MYCBP2: variants seen among roughly 807,000 people sequenced by gnomAD.
The protein encoded by MYCBP2 is MYC binding protein 2, also known as E3 ubiquitin-protein ligase MYCBP2.
MYCBP2 carries 120 observed loss-of-function variants against 525.3 expected under a neutral mutation model. That is an observed-to-expected ratio of 0.23 (90% CI 0.20 to 0.27). The LOEUF is 0.27. Ranked by LOEUF, MYCBP2 falls within the 10% of genes least tolerant of loss-of-function variation. The pLI is 1.00. For synonymous variants in MYCBP2, 1,894 were observed against 1,955.8 expected, an observed-to-expected ratio of 0.97 and a Z score of 0.83; for missense variants, 4,149 against 5,657.1, an observed-to-expected ratio of 0.73 and a Z score of 8.55.
At position 77,205,402 on chromosome 13, in the gene MYCBP2, A is replaced by G. The variant is rs367886310; in HGVS notation, c.3716-19T>C. On this transcript the variant is annotated intron_variant, in intron 25 of 82. Coordinates refer to ENST00000544440, the MANE Select transcript of MYCBP2 (RefSeq NM_015057.5). ...CCATGACCTAGAATATATAAATCAT[A>G]ATCTATGTTTTAAAAGATCCATATA... 1.1e-5 allele frequency: 18 copies of G among 1,611,902 alleles called. No individual in the cohort carries two copies. The African/African-American group carries it at 2.4e-4, about 22-fold the overall frequency.
chr13:77,075,020 G>A (rs1484588432), intron 68 of MYCBP2, among the ~76,000 whole-genome samples: 2 of 152,118 alleles, frequency 1.3e-5, no homozygotes, highest in African/African-American at 4.8e-5. Flanking sequence ...ACCAGCCTGG[G>A]CAACATGGCA....
chr13:77,285,961 A>G (rs2076712871), intron 3 of MYCBP2, among the ~76,000 whole-genome samples: 2 of 152,188 alleles, frequency 1.3e-5, no homozygotes, highest in African/African-American at 4.8e-5. Flanking sequence ...GACATTGCAG[A>G]CAAAGGAAAT....
At chr13:77,291,166 T>C (rs1453501367) in intron 2 of MYCBP2, among the ~76,000 whole-genome samples, 2 of 152,136 alleles carry the variant, frequency 1.3e-5, no homozygotes, top group Non-Finnish European at 2.9e-5. Context: ...ATTTAGAATA[T>C]ATGAGAAACT....
chr13:77,046,422 T>C (rs1296514092), intron 82 of MYCBP2, among the ~76,000 whole-genome samples: 1 of 152,154 alleles, frequency 6.6e-6, no homozygotes, highest in East Asian at 1.9e-4. Context: ...TATCACGAGA[T>C]TGGATGGAAT....
intron 69 of MYCBP2, among the ~76,000 whole-genome samples, 183 bp downstream of exon 69, chr13:77,070,448 T>G (rs1037412104): frequency 2.0e-5 from 3 of 152,118 alleles, no homozygotes; most frequent in Non-Finnish European, 2.9e-5. Flanking sequence ...TCAGCTATTG[T>G]TAGCCTTAGT....
intron 1 of MYCBP2, among the ~76,000 whole-genome samples, chr13:77,309,700 A>C (rs2079921206): frequency 6.6e-6 from 1 of 152,194 alleles, no homozygotes; most frequent in African/African-American, 2.4e-5. Context: ...GAGTTACTGC[A>C]ACTGTCTCTT....
At position 77,267,913 on chromosome 13, in the gene MYCBP2, T is replaced by C; in HGVS notation, c.1285A>G (p.Asn429Asp). The C allele has an allele frequency of 6.2e-7, 1 of 1,613,676 alleles. No individual in the cohort carries two copies. The highest frequency in any genetic ancestry group is 8.5e-7 in the Non-Finnish European group (1 of 1,179,744). ...AQGYLLYRDVNNHSMTAIRIS... is the reference protein window; with the variant it reads ...AQGYLLYRDVDNHSMTAIRIS... ...CTTATGGCTGTCATGCTGTGGTTATTCACATCTCTATATAATAAATAACCC... is the reference window on the plus strand; with the variant it reads ...CTTATGGCTGTCATGCTGTGGTTATCCACATCTCTATATAATAAATAACCC... Residue 429 changes from asparagine to aspartate, a missense_variant, in exon 8 of 83, where the codon AAT becomes GAT. By Grantham distance (23) the Asn-to-Asp change is conservative. Transcript: ENST00000544440.
intron 60 of MYCBP2, among the ~76,000 whole-genome samples, chr13:77,089,393 T>C (rs2044952674): frequency 6.6e-6 from 1 of 152,088 alleles, no homozygotes. Flanking sequence ...TAACAGGAGG[T>C]CAAAAATATT....
chr13:77,103,508 A>T (rs2047389170), intron 55 of MYCBP2, among the ~76,000 whole-genome samples: 1 of 152,120 alleles, frequency 6.6e-6, no homozygotes, highest in Admixed American at 6.6e-5. Flanking sequence ...TAATTAATTT[A>T]GATTAATATG....
chr13:77,153,950 T>G (rs2056880810), intron 46 of MYCBP2, among the ~76,000 whole-genome samples: 1 of 152,186 alleles, frequency 6.6e-6, no homozygotes, highest in South Asian at 2.1e-4. Context: ...AACAGTCATT[T>G]TATAAGTAAA....
intron 2 of MYCBP2, among the ~76,000 whole-genome samples, chr13:77,293,854 T>A (rs2077747825): frequency 1.3e-5 from 2 of 152,008 alleles, no homozygotes; most frequent in Admixed American, 6.6e-5. Context: ...CCAGAAGGAA[T>A]AAAGCCTTGC....
chr13:77,048,785 C>A (rs1370827076), intron 82 of MYCBP2, among the ~76,000 whole-genome samples: 1 of 152,154 alleles, frequency 6.6e-6, no homozygotes, highest in Non-Finnish European at 1.5e-5. Flanking sequence ...TCCTGTGATT[C>A]CTTTGTGTTG....
In MYCBP2 at chr13:77,090,622, A is replaced by C. The variant is rs114128676; in HGVS notation, c.10368-359T>G. 9.2e-3 allele frequency: 1,462 copies of C among 158,492 alleles called. 24 individuals are homozygous for C. The highest frequency in any genetic ancestry group is 0.033 in the African/African-American group (1,363 of 41,734). The allele number at this position is 158,492 out of a possible 1,614,324, so 9.8% of individuals were successfully genotyped here. A position where few individuals can be genotyped will look rare whatever the true frequency, so the allele number is the denominator to read the frequency against. On this transcript the variant is annotated intron_variant, in intron 59 of 82. Coordinates refer to ENST00000544440, the MANE Select transcript of MYCBP2 (RefSeq NM_015057.5). ...ATCGTAAGTGCACCAAATAGAAAGA[A>C]AATGGATATGTACACATGAAAACCT... is the stretch of plus-strand genomic sequence containing the variant.
intron 3 of MYCBP2, among the ~76,000 whole-genome samples, chr13:77,287,666 T>A (rs567258801): frequency 6.6e-6 from 1 of 152,010 alleles, no homozygotes; most frequent in South Asian, 2.1e-4. Context: ...AGGAAAAGGC[T>A]CTCAGCCCTG....
intron 43 of MYCBP2, among the ~76,000 whole-genome samples, chr13:77,163,320 G>A (rs1308896862): frequency 2.0e-5 from 3 of 152,070 alleles, no homozygotes; most frequent in Admixed American, 2.0e-4. Context: ...AGAATACAAG[G>A]TCTCATTTCC....
Position 77,181,901 on chromosome 13 carries a change from T to C in MYCBP2, c.4741A>G (p.Lys1581Glu). 6.2e-7 allele frequency: 1 copy of C among 1,613,774 alleles called. No homozygotes were observed. Among genetic ancestry groups the C allele is most frequent in the Non-Finnish European group, 8.5e-7 (1 of 1,179,978 alleles). Reference sequence around the variant, plus strand: ...GCAAGGAGTCGGCTACTTGATGTCTTGAAGTTTGCTTCTTGGATATCCTTT... The same window carrying C: ...GCAAGGAGTCGGCTACTTGATGTCTCGAAGTTTGCTTCTTGGATATCCTTT... ...LDQDIQEANF[K>E]TSSSRLLAAV... is the part of the protein sequence containing the mutation. Residue 1581 changes from lysine to glutamate, a missense_variant, in exon 33 of 83, where the codon AAG becomes GAG. Lys to Glu is a moderately conservative substitution (Grantham distance 56). Around this residue, in one of 21 missense-constraint regions of MYCBP2, gnomAD observed 292 missense variants for 330.5 expected, o/e 0.88. Transcript: ENST00000544440.
intron 80 of MYCBP2, among the ~76,000 whole-genome samples, chr13:77,054,031 G>A (rs746720676): frequency 7.2e-5 from 11 of 152,190 alleles, no homozygotes; most frequent in Non-Finnish European, 1.5e-4. Flanking sequence ...AAATCATGTG[G>A]TGGTGGTGTT....
chr13:77,225,410 T>C, intron 19 of MYCBP2, 25 bp downstream of exon 19: 1 of 1,613,190 alleles, frequency 6.2e-7, no homozygotes, highest in Admixed American at 1.7e-5. Context: ...AAAACGCAGT[T>C]ATACCCTAAA....
At chr13:77,243,569 A>G (rs2069268464) in intron 16 of MYCBP2, among the ~76,000 whole-genome samples, 1 of 151,530 alleles carries the variant, frequency 6.6e-6, no homozygotes, top group South Asian at 2.1e-4. Flanking sequence ...GCTGAGATTG[A>G]GCTACTGTAC....
Sources: gnomAD v4.1 joint callset for allele counts (sites outside exome capture counted in the v4.1 genomes callset) on GRCh38, gnomAD v4.1.1 for gene constraint, gnomAD v4.1.1 regional missense constraint, MANE v1.5 for transcripts, NCBI Gene and HGNC (gene_info 2026-07-23, HGNC 2026-07-21) for gene names.